Variants in BOP1 observed in about 807,000 individuals in gnomAD.
The protein encoded by BOP1 is ribosome biogenesis protein BOP1.
A neutral mutation model predicts 82.9 loss-of-function variants in BOP1; 54 were observed. That is an observed-to-expected ratio of 0.65 (90% CI 0.52 to 0.82). BOP1 has a LOEUF of 0.82. Among genes scored for constraint, BOP1 ranks in the 40% least tolerant of loss-of-function variants. The pLI is 0.00. For synonymous variants in BOP1, 566 were observed against 451.1 expected (o/e 1.25, Z -3.23); for missense variants, 1,170 against 1,072.0 (o/e 1.09, Z -1.28).
chr8:144,283,795 G>A (rs1418158513), intron 2 of BOP1, among the ~76,000 whole-genome samples: 6 of 152,226 alleles, frequency 3.9e-5, no homozygotes, highest in Non-Finnish European at 7.3e-5. Flanking sequence ...ACCGCCTAGC[G>A]GAGGGACGCT....
Position 144,289,135 on chromosome 8 carries a change from C to T in BOP1, c.269G>A (p.Gly90Asp), listed in dbSNP as rs1222387638. ...EGEDGALDDE[G>D]HSGIKKTTEE... is the part of the protein sequence containing the mutation. ...AGTGGTCTTTTTAATCCCACTGTGG[C>T]CCTCGTCATCAAGGGCTCCGTCCTC... The change falls in exon 2 of 16, where the codon GGC (glycine) becomes GAC (aspartate). Residue 90 changes from glycine to aspartate, a missense_variant. Gly to Asp is a moderately conservative substitution (Grantham distance 94). Coordinates refer to ENST00000569669, the MANE Select transcript of BOP1 (RefSeq NM_015201.5). The T allele has an allele frequency of 2.5e-6, 4 of 1,614,060 alleles. No homozygotes were observed. The highest frequency in any genetic ancestry group is 2.5e-6 in the Non-Finnish European group (3 of 1,180,038).
rs1005083079 is a variant in BOP1, at chr8:144,264,443, T to C, written c.766-6A>G. ...GCGTGCACCATGCGAGAGACCTGCA[T>C]AGACAGCCGGGTCAGGACGGGCAGT... On this transcript the variant is annotated splice_region_variant and splice_polypyrimidine_tract_variant and intron_variant, in intron 6 of 15. Coordinates refer to ENST00000569669, the MANE Select transcript of BOP1 (RefSeq NM_015201.5). 50 of 1,604,834 alleles carry C rather than the reference T, an allele frequency of 3.1e-5. 1 individual carries two copies. The African/African-American group carries it at 5.5e-4, about 18-fold the overall frequency.
chr8:144,268,471 T>C (rs1268893498), intron 3 of BOP1: 4 of 479,704 alleles, frequency 8.3e-6, no homozygotes, highest in Non-Finnish European at 1.5e-5. Context: ...AACAAAACAG[T>C]ATCTTCCAAA....
intron 3 of BOP1, among the ~76,000 whole-genome samples, chr8:144,269,103 C>G (rs1004281487): frequency 1.3e-5 from 2 of 152,236 alleles, no homozygotes; most frequent in Admixed American, 1.3e-4. Context: ...CCCACCACCA[C>G]GGCCCATCCA....
Position 144,289,076 on chromosome 8 carries a change from G to T in BOP1, c.309+19C>A, listed in dbSNP as rs782291307. On this transcript the variant is annotated intron_variant, in intron 2 of 15. Transcript: ENST00000569669. The stretch of plus-strand genomic sequence containing the variant: ...TGCACATGGGGGACAGCCCTCGAGG[G>T]GGCTCCTCGCTCACCCACCTGCACC... 2.2e-5 allele frequency: 36 copies of T among 1,613,506 alleles called. No homozygotes were observed. Among genetic ancestry groups the T allele is most frequent in the Non-Finnish European group, 2.9e-5 (34 of 1,179,754 alleles).
chr8:144,262,724 A>G lies in BOP1; in HGVS notation c.1895-52T>C, dbSNP rs1588585599. The G allele has an allele frequency of 3.8e-6, 6 of 1,572,186 alleles. No homozygotes were observed. The South Asian group carries it at 5.6e-5, about 15-fold the overall frequency. The stretch of plus-strand genomic sequence containing the variant: ...GTTCCCGCTCTCACCTGCAGGGTGC[A>G]CTGCCCTGCCCGTCACCTACACCCC... On this transcript the variant is annotated intron_variant, in intron 13 of 15. Transcript: ENST00000569669.
In BOP1 at chr8:144,262,464, C is replaced by G; in HGVS notation, c.2019G>C (p.Pro673=). The G allele has an allele frequency of 6.2e-7, 1 of 1,612,866 alleles. No individual in the cohort carries two copies. Among genetic ancestry groups the G allele is most frequent in the South Asian group, 1.1e-5 (1 of 91,072 alleles). Residue 673 remains proline (P), a synonymous_variant, in exon 15 of 16, where the codon CCG becomes CCC. Coordinates refer to ENST00000569669, the MANE Select transcript of BOP1 (RefSeq NM_015201.5). ...KKALRAVAFH[P]RYPLFASGSD... ...AGCCTGACGCAAAGAGTGGGTACCGCGGGTGGAAGGCCACAGCCCGCAGAG... is the reference window on the plus strand; with the variant it reads ...AGCCTGACGCAAAGAGTGGGTACCGGGGGTGGAAGGCCACAGCCCGCAGAG...
chr8:144,265,452 A>C, intron 3 of BOP1: 1 of 314,894 alleles, frequency 3.2e-6, no homozygotes, highest in Non-Finnish European at 6.0e-6. Flanking sequence ...CAGCTATAAG[A>C]CGGGGACTCG....
chr8:144,268,424 A>G (rs954538969), intron 3 of BOP1: 22 of 572,500 alleles, frequency 3.8e-5, no homozygotes, highest in Non-Finnish European at 6.2e-6. Flanking sequence ...TGTTTTTGAT[A>G]TGATAATATA....
At chr8:144,265,207 G>A in intron 3 of BOP1, 136 bp from the exon 4 acceptor site, 1 of 995,658 alleles carries the variant, frequency 1.0e-6, no homozygotes, top group Non-Finnish European at 1.5e-6. Flanking sequence ...CACTGGCCCT[G>A]ACCTACGCCT....
chr8:144,267,670 T>G (rs985181898), intron 3 of BOP1, among the ~76,000 whole-genome samples: 14 of 151,686 alleles, frequency 9.2e-5, no homozygotes, highest in Admixed American at 5.2e-4. Flanking sequence ...AGACACCAGG[T>G]CCTGTAGGGC....
Position 144,291,209 on chromosome 8 carries a change from G to T in BOP1, c.99+63C>A. On this transcript the variant is annotated intron_variant, in intron 1 of 15. Coordinates refer to ENST00000569669, the MANE Select transcript of BOP1 (RefSeq NM_015201.5). The surrounding 1 kb of genome is among the most constrained non-coding windows in gnomAD (Gnocchi z 4.1). ...AGAAGCCGGGCCCACCCGCCCCAGCGCGGCCACGTGCCCGCCGGGCCCTCT... is the reference window on the plus strand; with the variant it reads ...AGAAGCCGGGCCCACCCGCCCCAGCTCGGCCACGTGCCCGCCGGGCCCTCT... 7.5e-7 allele frequency: 1 copy of T among 1,328,578 alleles called. No individual in the cohort carries two copies. The allele number at this position is 1,328,578 out of a possible 1,614,324, so 82.3% of individuals were successfully genotyped here. A position where few individuals can be genotyped will look rare whatever the true frequency, so the allele number is the denominator to read the frequency against.
chr8:144,268,464 A>C, intron 3 of BOP1: 1 of 510,384 alleles, frequency 2.0e-6, no homozygotes, highest in Non-Finnish European at 3.5e-6. Context: ...AATTAAAAAC[A>C]AAACAGTATC....
chr8:144,272,353 C>A (rs1477596244), intron 3 of BOP1, among the ~76,000 whole-genome samples: 1 of 152,178 alleles, frequency 6.6e-6, no homozygotes, highest in African/African-American at 2.4e-5. Flanking sequence ...CGTGCACACA[C>A]ACGTACCTGG....
At chr8:144,282,792 G>A (rs1301410909) in intron 2 of BOP1, among the ~76,000 whole-genome samples, 1 of 152,102 alleles carries the variant, frequency 6.6e-6, no homozygotes, top group East Asian at 1.9e-4. Flanking sequence ...AGTCAGGGGA[G>A]GAGCTGCAAA....
chr8:144,272,065 C>T (rs1179943636), intron 3 of BOP1, among the ~76,000 whole-genome samples: 2 of 152,164 alleles, frequency 1.3e-5, no homozygotes, highest in Non-Finnish European at 2.9e-5. Flanking sequence ...ATAGCTGTTC[C>T]CAGGCAGAGC....
chr8:144,277,789 A>AGGGCAGGGGCGGTGC (rs1416170378), intron 2 of BOP1, among the ~76,000 whole-genome samples: 911 of 57,130 alleles, frequency 0.016, 14 homozygotes, highest in East Asian at 0.036. Context: ...CAGCGCCCGA[A>AGGGCAGGGGCGGTGC]GGGCAGGGGC....
At chr8:144,268,013 C>T (rs1845418541) in intron 3 of BOP1, 18 of 1,541,686 alleles carry the variant, frequency 1.2e-5, no homozygotes, top group South Asian at 7.2e-5. Flanking sequence ...TGGCGCTGGC[C>T]ACCTGAGATG....
intron 13 of BOP1, 75 bp downstream of exon 13, chr8:144,262,778 C>G: frequency 7.5e-7 from 1 of 1,339,566 alleles, no homozygotes; most frequent in African/African-American, 1.6e-5. Context: ...GCCCCTACCC[C>G]CACCCCTCAC....
Sources: allele counts gnomAD v4.1 joint callset (sites outside exome capture counted in the v4.1 genomes callset), GRCh38; gene constraint gnomAD v4.1.1; non-coding constraint Gnocchi (gnomAD v3.1); transcripts MANE v1.5; gene names NCBI Gene and HGNC (gene_info 2026-07-23, HGNC 2026-07-21).